The following KIF3B variants were observed in gnomAD, a reference collection of about 807,000 sequenced individuals.
KIF3B encodes the protein kinesin-like protein KIF3B.
Under a neutral mutation model 74.3 loss-of-function variants are expected in KIF3B, and 38 were observed. The observed-to-expected ratio is 0.51, with a 90% CI of 0.39 to 0.67. KIF3B has a LOEUF of 0.67. Ranked by LOEUF, KIF3B falls within the 30% of genes least tolerant of loss-of-function variation. The probability of loss-of-function intolerance (pLI) is 0.00; values close to 1 mark genes in which losing one functional copy is unlikely to be tolerated. For synonymous variants in KIF3B, 326 were observed against 342.5 expected, an observed-to-expected ratio of 0.95 and a Z score of 0.53; for missense variants, 649 against 932.0, an observed-to-expected ratio of 0.70 and a Z score of 3.95.
In KIF3B at chr20:32,311,174, A is replaced by G. The variant is rs1002696917; in HGVS notation, c.1397A>G (p.Lys466Arg). The G allele has an allele frequency of 6.2e-7, 1 of 1,607,888 alleles. No homozygotes were observed. Among genetic ancestry groups the G allele is most frequent in the African/African-American group, 1.3e-5 (1 of 74,744 alleles). ...GATGCTGCCGAGATGCTGGGCGCCA[A>G]GATCAAGGTACCATACCCGTACCCT... ...EKDAAEMLGA[K>R]IKAMESKLLV... The change falls in exon 2 of 9, where the codon AAG (lysine) becomes AGG (arginine). Residue 466 changes from lysine (K) to arginine (R), a missense_variant. Transcript: ENST00000375712.
intron 7 of KIF3B, among the ~76,000 whole-genome samples, chr20:32,327,917 G>A (rs113205455): frequency 6.6e-5 from 10 of 151,806 alleles, no homozygotes; most frequent in African/African-American, 2.4e-4. Context: ...CCTGGGCAAT[G>A]TGGCGAAACC....
intron 1 of KIF3B, among the ~76,000 whole-genome samples, chr20:32,299,057 T>A (rs1456142446): frequency 6.6e-6 from 1 of 152,116 alleles, no homozygotes; most frequent in African/African-American, 2.4e-5. Flanking sequence ...ACTCTGCAGC[T>A]TTGTTTCTCA....
intron 1 of KIF3B, among the ~76,000 whole-genome samples, chr20:32,296,503 G>A (rs1377829810): frequency 6.6e-6 from 1 of 151,926 alleles, no homozygotes; most frequent in African/African-American, 2.4e-5. Flanking sequence ...GGGAGGCTGA[G>A]GCACAAGAAT....
At chr20:32,315,858 C>T (rs768430552) in intron 2 of KIF3B, among the ~76,000 whole-genome samples, 5 of 151,982 alleles carry the variant, frequency 3.3e-5, no homozygotes, top group African/African-American at 4.8e-5. Context: ...TCAGTGGACT[C>T]GGAGCTTTGT....
chr20:32,334,018 TGAGG>T lies in KIF3B; in HGVS notation c.*2702_*2705del, dbSNP rs1434764349. 2.0e-5 allele frequency: 3 copies of T among 152,624 alleles called. 1 individual carries two copies. In the South Asian group the frequency reaches 6.2e-4, roughly 32 times the overall value. 9.5% of individuals were successfully genotyped at this position (152,624 alleles called of 1,614,324 possible). ...TATGTAGAGGACCTACCAAGCCCAC[TGAGG>T]GACTAGGTTTTCATGTCTCTAGTCA... On this transcript the variant is annotated 3_prime_UTR_variant, in exon 9 of 9. Transcript: ENST00000375712.
At chr20:32,326,164 T>C (rs1316970175) in intron 5 of KIF3B, among the ~76,000 whole-genome samples, 1 of 152,126 alleles carries the variant, frequency 6.6e-6, no homozygotes, top group African/African-American at 2.4e-5. Flanking sequence ...CACCAGTGGG[T>C]TCCAGTTTCC....
At chr20:32,285,708 T>C (rs1006499826) in intron 1 of KIF3B, among the ~76,000 whole-genome samples, 3 of 152,186 alleles carry the variant, frequency 2.0e-5, no homozygotes, top group Non-Finnish European at 4.4e-5. Context: ...CCAAAGCCCT[T>C]CCAGCCCTGC....
intron 1 of KIF3B, among the ~76,000 whole-genome samples, chr20:32,299,379 G>GTGTATATA (rs1187264463): frequency 5.2e-4 from 12 of 23,092 alleles, no homozygotes; most frequent in South Asian, 1.5e-3. Context: ...TGGTGTGTGT[G>GTGTATATA]TATATATATA....
At chr20:32,324,987 C>T (rs932340052) in intron 5 of KIF3B, among the ~76,000 whole-genome samples, 6 of 152,050 alleles carry the variant, frequency 3.9e-5, no homozygotes, top group Admixed American at 2.6e-4. Flanking sequence ...GCTGAGATTG[C>T]GCCACTTTAC....
chr20:32,331,415 A>C lies in KIF3B; in HGVS notation c.*96A>C. On this transcript the variant is annotated 3_prime_UTR_variant, in exon 9 of 9. Transcript: ENST00000375712. ...AGAGAGGATTCGGCCCAAACTCAGA[A>C]CTGTTCCCCTGAGGAGAAGCGGTGG... 1 of 961,080 alleles carries C rather than the reference A, an allele frequency of 1.0e-6. No homozygotes were observed. The highest frequency in any genetic ancestry group is 1.6e-6 in the Non-Finnish European group (1 of 627,528). The allele number at this position is 961,080 out of a possible 1,614,324, so 59.5% of individuals were successfully genotyped here.
chr20:32,278,700 T>C (rs920968979), intron 1 of KIF3B, among the ~76,000 whole-genome samples: 4 of 152,206 alleles, frequency 2.6e-5, no homozygotes, highest in Admixed American at 6.5e-5. Flanking sequence ...CTGGGCTTCG[T>C]TGACCCTTCC....
rs2047857550 is a variant in KIF3B, at chr20:32,321,123, TCTTGG to T, written c.1748+4251_1748+4255del. ...AGGGCTTTTCTCTCCCATTTCATTG[TCTTGG>T]CATACTTATTGAAAGTCAGGGCCGG... On this transcript the variant is annotated intron_variant, in intron 5 of 8. Transcript: ENST00000375712. Among the ~76,000 whole-genome samples, 3 of 152,110 alleles carry T rather than the reference TCTTGG, an allele frequency of 2.0e-5. 1 individual carries two copies. In the South Asian group the frequency reaches 6.2e-4, roughly 32 times the overall value.
intron 1 of KIF3B, among the ~76,000 whole-genome samples, chr20:32,290,989 A>AT (rs2122661665): frequency 6.6e-6 from 1 of 152,338 alleles, no homozygotes; most frequent in East Asian, 1.9e-4. Flanking sequence ...CCTTGAGGGC[A>AT]TTGTGCTGAG....
intron 5 of KIF3B, among the ~76,000 whole-genome samples, chr20:32,322,099 A>T (rs1448041064): frequency 6.6e-6 from 1 of 152,122 alleles, no homozygotes; most frequent in Non-Finnish European, 1.5e-5. Flanking sequence ...CAATTTGGGC[A>T]ATATTGTAAT....
intron 5 of KIF3B, among the ~76,000 whole-genome samples, chr20:32,325,970 A>G (rs1272233744): frequency 6.6e-6 from 1 of 151,984 alleles, no homozygotes; most frequent in Non-Finnish European, 1.5e-5. Flanking sequence ...CCTGGCCTAT[A>G]TCTCTTTTTA....
chr20:32,295,563 G>A (rs562681651), intron 1 of KIF3B, among the ~76,000 whole-genome samples: 1 of 152,200 alleles, frequency 6.6e-6, no homozygotes, highest in African/African-American at 2.4e-5. Context: ...GAAGTGCTGG[G>A]ATTACAGGTG....
chr20:32,330,353 A>G, intron 8 of KIF3B, 34 bp downstream of exon 8: 3 of 1,583,262 alleles, frequency 1.9e-6, no homozygotes, highest in Non-Finnish European at 2.6e-6. Context: ...TTTAAACAGA[A>G]CATGTTTGAA....
chr20:32,315,988 C>A (rs935232167), intron 2 of KIF3B, among the ~76,000 whole-genome samples: 1 of 152,066 alleles, frequency 6.6e-6, no homozygotes, highest in African/African-American at 2.4e-5. Context: ...AGCTGAAATT[C>A]ATGTATCTGA....
chr20:32,299,379 G>GTGTATATATATATATATATA lies in KIF3B; in HGVS notation c.-65-10333_-65-10332insGTATATATATATATATATAT, dbSNP rs1187264463. On this transcript the variant is annotated intron_variant, in intron 1 of 8. Transcript: ENST00000375712. ...CTTGTAACTACTGAATGGTGTGTGT[G>GTGTATATATATATATATATA]TATATATATATATATATATATATAT... is the stretch of plus-strand genomic sequence containing the variant. 9.1e-4 allele frequency among the ~76,000 whole-genome samples: 21 copies of GTGTATATATATATATATATA among 23,082 alleles called. 1 individual carries two copies. The highest frequency in any genetic ancestry group is 4.1e-3 in the African/African-American group (18 of 4,370). 15.1% of individuals were successfully genotyped at this position (23,082 alleles called of 152,430 possible).
Sources: gnomAD v4.1 joint callset for allele counts (sites outside exome capture counted in the v4.1 genomes callset) on GRCh38, gnomAD v4.1.1 for gene constraint, MANE v1.5 for transcripts, NCBI Gene and HGNC (gene_info 2026-07-23, HGNC 2026-07-21) for gene names.